Variants in CAPN1 observed in about 807,000 individuals in gnomAD.
CAPN1 encodes the protein calpain-1 catalytic subunit.
CAPN1 carries 77 observed loss-of-function variants against 105.2 expected under a neutral mutation model. The ratio of observed to expected loss-of-function variants is 0.73; its 90% CI spans 0.61 to 0.88. CAPN1 has a LOEUF of 0.88. Among genes scored for constraint, CAPN1 ranks in the 40% least tolerant of loss-of-function variants. The pLI, the probability that CAPN1 is intolerant of heterozygous loss-of-function variation, is 0.00. For synonymous variants in CAPN1, 355 were observed against 388.8 expected, an observed-to-expected ratio of 0.91 and a Z score of 1.02; for missense variants, 833 against 976.6, an observed-to-expected ratio of 0.85 and a Z score of 1.96.
intron 10 of CAPN1, among the ~76,000 whole-genome samples, chr11:65,193,961 G>GT (rs1948755995): frequency 9.9e-6 from 1 of 100,750 alleles, no homozygotes; most frequent in African/African-American, 3.4e-5. Context: ...TCTTTGGATT[G>GT]ATTTTTTTTT....
chr11:65,206,682 A>G lies in CAPN1; in HGVS notation c.1565+8A>G. On this transcript the variant is annotated splice_region_variant and intron_variant, in intron 13 of 21. Transcript: ENST00000279247. ...GAAGAGTGCTGGGACTGTGTGAGTC[A>G]TGGACTGGCCCCTGCCACTCTCCCC... The G allele has an allele frequency of 1.9e-6, 3 of 1,612,510 alleles. No individual in the cohort carries two copies. The highest frequency in any genetic ancestry group is 2.5e-6 in the Non-Finnish European group (3 of 1,179,354).
At chr11:65,186,435 C>T in intron 6 of CAPN1, 97 bp downstream of exon 6, 1 of 1,101,748 alleles carries the variant, frequency 9.1e-7, no homozygotes, top group South Asian at 1.6e-5. Flanking sequence ...CGCTCCAGAC[C>T]CTGTCCTGCA....
rs777584157 is a variant in CAPN1, at chr11:65,210,862, A to G, written c.2108A>G (p.Asp703Gly). The G allele has an allele frequency of 9.9e-6, 16 of 1,613,250 alleles. No homozygotes were observed. Among genetic ancestry groups the G allele is most frequent in the Non-Finnish European group, 1.3e-5 (15 of 1,179,500 alleles). The change falls in exon 21 of 22, where the codon GAC becomes GGC. Residue 703 changes from aspartate (D) to glycine (G), a missense_variant. Transcript: ENST00000279247. The surrounding 1 kb of genome is among the most constrained non-coding windows in gnomAD (Gnocchi z 4.3). ...GATCTGGATGGAGTTGTGACCTTTG[A>G]CTTGTTTAAGGTGGGAACCTCCCTG... The part of the protein sequence containing the change: ...DTDLDGVVTF[D>G]LFKWLQLTMF...
intron 10 of CAPN1, among the ~76,000 whole-genome samples, chr11:65,203,190 C>T (rs1334567932): frequency 5.6e-5 from 4 of 71,176 alleles, no homozygotes; most frequent in Non-Finnish European, 1.6e-4. Flanking sequence ...CAGCCATTAA[C>T]ATTCTCTCTT....
At chr11:65,205,618 G>A (rs553971732) in intron 11 of CAPN1, 92 bp from the exon 12 acceptor site, 57 of 1,289,220 alleles carry the variant, frequency 4.4e-5, no homozygotes, top group African/African-American at 2.0e-4. Context: ...CATCAGTCCC[G>A]TCTAAGAACT....
At chr11:65,197,886 C>G (rs12222940) in intron 10 of CAPN1, among the ~76,000 whole-genome samples, 8 of 46,476 alleles carry the variant, frequency 1.7e-4, no homozygotes, top group African/African-American at 4.0e-4. Context: ...AAAACTCTAT[C>G]TGAAAAAAAA....
chr11:65,182,148 C>T, intron 1 of CAPN1, 135 bp downstream of exon 1: 1 of 80,342 alleles, frequency 1.2e-5, no homozygotes, highest in Non-Finnish European at 2.8e-5. Flanking sequence ...CGGAGCGGCA[C>T]AGCCCAGGCG....
At position 65,208,716 on chromosome 11, in the gene CAPN1, G is replaced by T. The variant is rs1185099332; in HGVS notation, c.1729+454G>T. 4.3e-5 allele frequency: 12 copies of T among 280,492 alleles called. No individual in the cohort carries two copies. In the East Asian group the frequency reaches 1.1e-3, roughly 25 times the overall value. 17.4% of individuals were successfully genotyped at this position (280,492 alleles called of 1,614,324 possible). A position where few individuals can be genotyped will look rare whatever the true frequency, so the allele number is the denominator to read the frequency against. ...ATGGCTTGAGACCAGGGAGGTTAAGGCTGCAGTGAGCTGTGATCACATCAG... is the reference window on the plus strand; with the variant it reads ...ATGGCTTGAGACCAGGGAGGTTAAGTCTGCAGTGAGCTGTGATCACATCAG... On this transcript the variant is annotated intron_variant, in intron 16 of 21. Coordinates refer to ENST00000279247, the MANE Select transcript of CAPN1 (RefSeq NM_005186.4). This position sits in a 1 kb window ranked among gnomAD's most constrained non-coding sequence, Gnocchi z 4.1.
intron 10 of CAPN1, among the ~76,000 whole-genome samples, chr11:65,199,079 C>T (rs1336131929): frequency 1.3e-5 from 2 of 152,216 alleles, no homozygotes; most frequent in East Asian, 3.8e-4. Context: ...AAGTGATCCA[C>T]CCTCCTCAGC....
Position 65,211,378 on chromosome 11 carries a change from C to A in CAPN1, c.*92C>A. ...ACACCACACCAGGCCACCCCAGCTG[C>A]AAGTGCCTTCCTTGGAGCAGAGAGG... On this transcript the variant is annotated 3_prime_UTR_variant, in exon 22 of 22. Transcript: ENST00000279247. 7.8e-7 allele frequency: 1 copy of A among 1,275,488 alleles called. No individual in the cohort carries two copies. Among genetic ancestry groups the A allele is most frequent in the Non-Finnish European group, 1.1e-6 (1 of 892,148 alleles). 79.0% of individuals were successfully genotyped at this position (1,275,488 alleles called of 1,614,324 possible). A position where few individuals can be genotyped will look rare whatever the true frequency, so the allele number is the denominator to read the frequency against.
intron 10 of CAPN1, among the ~76,000 whole-genome samples, chr11:65,194,110 C>T (rs1175819455): frequency 2.0e-5 from 3 of 151,668 alleles, no homozygotes; most frequent in African/African-American, 4.8e-5. Flanking sequence ...TACAGGCATG[C>T]GCCACCATGC....
intron 21 of CAPN1, 57 bp from the exon 22 acceptor site, chr11:65,211,203 G>A (rs1471253908): frequency 1.5e-5 from 24 of 1,600,948 alleles, no homozygotes; most frequent in Admixed American, 1.7e-5. Context: ...GTTTGGGTGG[G>A]GAAGAAGCCA....
At chr11:65,200,149 A>G (rs1016129053) in intron 10 of CAPN1, among the ~76,000 whole-genome samples, 2 of 152,112 alleles carry the variant, frequency 1.3e-5, no homozygotes. Context: ...TCCCAGGCTC[A>G]AGGAATCCTT....
intron 10 of CAPN1, among the ~76,000 whole-genome samples, chr11:65,194,513 A>C (rs537213509): frequency 3.3e-5 from 5 of 152,284 alleles, no homozygotes; most frequent in African/African-American, 1.2e-4. Context: ...AGCGTTGTGT[A>C]AGCATTGCCG....
chr11:65,211,084 T>C, intron 21 of CAPN1, 176 bp from the exon 22 acceptor site: 1 of 776,978 alleles, frequency 1.3e-6, no homozygotes, highest in Non-Finnish European at 2.1e-6. Context: ...TGGAGGCCCC[T>C]ATGGGAGCAG....
At position 65,202,161 on chromosome 11, in the gene CAPN1, C is replaced by T. The variant is rs372377512; in HGVS notation, c.1166-2522C>T. ...CATACTTCATTGCTGACATTCCTGA[C>T]GGGGGTTCCAGTTTAATTGCAGGAA... On this transcript the variant is annotated intron_variant, in intron 10 of 21. Transcript: ENST00000279247. Among the ~76,000 whole-genome samples the T allele has an allele frequency of 1.0e-3, 157 of 152,204 alleles. 2 individuals carry two copies. In the South Asian group the frequency reaches 0.016, roughly 15 times the overall value.
At chr11:65,207,430 C>T (rs1029998160) in intron 14 of CAPN1, among the ~76,000 whole-genome samples, 3 of 151,086 alleles carry the variant, frequency 2.0e-5, no homozygotes, top group African/African-American at 7.3e-5. Flanking sequence ...AAACTCCTGA[C>T]TTCAAGTGAT....
intron 11 of CAPN1, among the ~76,000 whole-genome samples, chr11:65,205,459 T>A (rs537460565): frequency 6.6e-6 from 1 of 152,142 alleles, no homozygotes; most frequent in Non-Finnish European, 1.5e-5. Flanking sequence ...CCCCGGGGGC[T>A]GGCCTGGAGC....
intron 10 of CAPN1, among the ~76,000 whole-genome samples, chr11:65,190,707 T>C (rs914789291): frequency 1.6e-5 from 2 of 127,574 alleles, no homozygotes; most frequent in African/African-American, 5.2e-5. Context: ...TTGTTGGTTT[T>C]TTTTGTTTTT....
Sources: allele counts gnomAD v4.1 joint callset (sites outside exome capture counted in the v4.1 genomes callset), GRCh38; gene constraint gnomAD v4.1.1; non-coding constraint Gnocchi (gnomAD v3.1); transcripts MANE v1.5; gene names NCBI Gene and HGNC (gene_info 2026-07-23, HGNC 2026-07-21).